The following STK32B variants were observed in gnomAD, a reference collection of about 807,000 sequenced individuals.
STK32B encodes serine/threonine kinase 32B.
Under a neutral mutation model 52.6 loss-of-function variants are expected in STK32B, and 43 were observed. The ratio of observed to expected loss-of-function variants is 0.82; its 90% CI spans 0.64 to 1.05. STK32B has a LOEUF of 1.05. STK32B is among the 50% of genes least tolerant of loss of function. STK32B has a pLI of 0.00. For missense variants in STK32B, 621 were observed against 534.6 expected (o/e 1.16, Z -1.59); for synonymous variants, 238 against 204.3 (o/e 1.17, Z -1.41).
At chr4:5,049,403 A>C (rs573189547), upstream of STK32B, among the ~76,000 whole-genome samples, 4 of 152,282 alleles carry the variant, frequency 2.6e-5, no homozygotes, top group East Asian at 7.7e-4. Context: ...TTGTGTGAGC[A>C]ATAAAGCTTT....
At chr4:5,392,299 G>A (rs370421245) in intron 4 of STK32B, among the ~76,000 whole-genome samples, 24 of 152,086 alleles carry the variant, frequency 1.6e-4, no homozygotes, top group African/African-American at 4.6e-4. Flanking sequence ...GGTGGTGCAC[G>A]CCTGTAATCC....
chr4:5,130,340 G>A (rs940144201), intron 1 of STK32B, among the ~76,000 whole-genome samples: 10 of 152,050 alleles, frequency 6.6e-5, no homozygotes, highest in Middle Eastern at 6.8e-3. Context: ...AGCAAGGAGA[G>A]TGACGGTGGG....
intron 2 of STK32B, chr4:5,140,380 T>C (rs868309495): frequency 9.1e-7 from 1 of 1,096,428 alleles, no homozygotes; most frequent in African/African-American, 1.6e-5. Context: ...TGGCAGGAGT[T>C]TTTAGAAAAC....
intron 3 of STK32B, among the ~76,000 whole-genome samples, chr4:5,288,949 C>T (rs1192101384): frequency 6.6e-6 from 1 of 152,128 alleles, no homozygotes; most frequent in Non-Finnish European, 1.5e-5. Context: ...AAGAATTCAC[C>T]TTCATTCGTT....
chr4:5,097,979 G>A (rs1419454340), intron 1 of STK32B, among the ~76,000 whole-genome samples: 1 of 152,218 alleles, frequency 6.6e-6, no homozygotes, highest in Non-Finnish European at 1.5e-5. Context: ...GTACTGGCCA[G>A]TCTATAACAG....
At chr4:5,190,743 G>A (rs1721125326) in intron 3 of STK32B, among the ~76,000 whole-genome samples, 1 of 152,152 alleles carries the variant, frequency 6.6e-6, no homozygotes, top group Admixed American at 6.5e-5. Context: ...GAGGAACCTT[G>A]CCATCCCTTG....
intron 1 of STK32B, among the ~76,000 whole-genome samples, chr4:5,082,516 G>T (rs541894909): frequency 4.1e-4 from 63 of 152,162 alleles, no homozygotes; most frequent in Non-Finnish European, 6.9e-4. Context: ...TGAGGAGAGA[G>T]CCCTGTTGTC....
chr4:5,096,927 C>T (rs559691127), intron 1 of STK32B, among the ~76,000 whole-genome samples: 35 of 152,312 alleles, frequency 2.3e-4, no homozygotes, highest in African/African-American at 7.9e-4. Flanking sequence ...CACATGGAAG[C>T]CCATTCAATC....
chr4:5,101,746 A>C (rs1713799230), intron 1 of STK32B, among the ~76,000 whole-genome samples: 1 of 152,204 alleles, frequency 6.6e-6, no homozygotes. Context: ...ACAAAACCGC[A>C]ACCAAAATTC....
intron 6 of STK32B, among the ~76,000 whole-genome samples, chr4:5,444,530 C>A (rs1184391030): frequency 6.6e-6 from 1 of 152,196 alleles, no homozygotes; most frequent in Non-Finnish European, 1.5e-5. Flanking sequence ...GAACCCGGTA[C>A]CTCAGATGGA....
chr4:5,064,496 CAT>C lies in STK32B; in HGVS notation c.52+12587_52+12588del, dbSNP rs1194547880. On this transcript the variant is annotated intron_variant, in intron 1 of 11. Transcript: ENST00000282908. ...TATAAATATATACTTATGTTATATA[CAT>C]ATATAATATATAAATATATACTTAT... Among the ~76,000 whole-genome samples the C allele has an allele frequency of 3.2e-5, 2 of 62,276 alleles. 1 individual carries two copies. Among genetic ancestry groups the C allele is most frequent in the African/African-American group, 1.0e-4 (2 of 19,764 alleles). The allele number at this position is 62,276 out of a possible 152,430, so 40.9% of individuals were successfully genotyped here.
At chr4:5,034,178 A>G in the STK32B span, among the ~76,000 whole-genome samples, 5 of 152,186 alleles carry the variant, frequency 3.3e-5, no homozygotes, top group Non-Finnish European at 7.3e-5. Flanking sequence ...TCTTACGTAA[A>G]GTTCCTTATT....
intron 3 of STK32B, among the ~76,000 whole-genome samples, chr4:5,270,219 A>C (rs1727332867): frequency 6.6e-6 from 1 of 152,210 alleles, no homozygotes; most frequent in Non-Finnish European, 1.5e-5. Context: ...ACACGATTAC[A>C]GGTGAGGTCC....
In STK32B at chr4:5,086,356, A is replaced by C. The variant is rs530930093; in HGVS notation, c.52+34441A>C. ...AAAGCTCTTCTGCAAATGATGGAAG[A>C]TTTCTTGGTTCTAAGAGTTTAAGGA... On this transcript the variant is annotated intron_variant, in intron 1 of 11. Transcript: ENST00000282908. Among the ~76,000 whole-genome samples the C allele has an allele frequency of 2.0e-5, 3 of 152,244 alleles. No homozygotes were observed. In the East Asian group the frequency reaches 5.8e-4, roughly 29 times the overall value.
chr4:5,457,731 A>T (rs1283777033), intron 8 of STK32B, among the ~76,000 whole-genome samples: 1 of 151,408 alleles, frequency 6.6e-6, no homozygotes, highest in Non-Finnish European at 1.5e-5. Context: ...CCACCTACAA[A>T]AGTAGGTGGC....
At chr4:5,130,171 C>G (rs184168644) in intron 1 of STK32B, among the ~76,000 whole-genome samples, 18,636 of 149,054 alleles carry the variant, frequency 0.13, 1,500 homozygotes, top group Admixed American at 0.25. Context: ...CCTTCTCCGG[C>G]GGGGGGAGGC....
chr4:5,392,535 A>G (rs1215504728), intron 4 of STK32B, among the ~76,000 whole-genome samples: 1 of 151,946 alleles, frequency 6.6e-6, no homozygotes, highest in Non-Finnish European at 1.5e-5. Context: ...ATTTATTCCT[A>G]ATTTATTTTT....
At chr4:5,051,015 G>GTATC (rs200043025), upstream of STK32B, among the ~76,000 whole-genome samples, 1,762 of 152,296 alleles carry the variant, frequency 0.012, 35 homozygotes, top group African/African-American at 0.039. Context: ...GGGTCAGAAA[G>GTATC]TAAACAGATA....
rs115406228 is a variant in STK32B, at chr4:5,207,664, C to T, written c.260+39214C>T. Among the ~76,000 whole-genome samples, 253 of 151,786 alleles carry T rather than the reference C, an allele frequency of 1.7e-3. 1 individual carries two copies. Among genetic ancestry groups the T allele is most frequent in the Admixed American group, 3.9e-3 (60 of 15,272 alleles). ...GGAAAATATTATTTTCTCAAAAATG[C>T]AGTCTCAGATGCAGTCTCAGACACT... On this transcript the variant is annotated intron_variant, in intron 3 of 11. Transcript: ENST00000282908.
Sources: allele counts gnomAD v4.1 joint callset (sites outside exome capture counted in the v4.1 genomes callset), GRCh38; gene constraint gnomAD v4.1.1; transcripts MANE v1.5; gene names NCBI Gene and HGNC (gene_info 2026-07-23, HGNC 2026-07-21).